SATB1: variants seen among roughly 807,000 people sequenced by gnomAD.
The protein encoded by SATB1 is DNA-binding protein SATB1.
SATB1 carries 11 observed loss-of-function variants against 86.9 expected under a neutral mutation model. The ratio of observed to expected loss-of-function variants is 0.13; its 90% CI spans 0.08 to 0.21. The LOEUF is 0.21. Among genes scored for constraint, SATB1 ranks in the 10% least tolerant of loss-of-function variants. SATB1 has a pLI of 1.00. For synonymous variants in SATB1, 357 were observed against 357.2 expected, an observed-to-expected ratio of 1.00 and a Z score of 0.01; for missense variants, 551 against 937.6, an observed-to-expected ratio of 0.59 and a Z score of 5.39.
At position 18,394,891 on chromosome 3, in the gene SATB1, T is replaced by C. The variant is rs751439877; in HGVS notation, c.777A>G (p.Leu259=). ...TGACATGATTGGCGCCTTGCTGGGA[T>C]AGCTCAGAAAGACTATCCATTTCAA... ...MMVEMDSLSE[L]SQQGANHVNF... The change falls in exon 7 of 11, where the codon CTA becomes CTG. Residue 259 remains leucine, a synonymous_variant. Transcript: ENST00000338745. The surrounding 1 kb of genome is among the most constrained non-coding windows in gnomAD (Gnocchi z 5.9). 24 of 1,605,478 alleles carry C rather than the reference T, an allele frequency of 1.5e-5. No individual in the cohort carries two copies. Among genetic ancestry groups the C allele is most frequent in the Non-Finnish European group, 2.0e-5 (24 of 1,176,106 alleles).
intron 1 of SATB1, among the ~76,000 whole-genome samples, chr3:18,422,844 A>T (rs183061545): frequency 2.4e-3 from 373 of 152,366 alleles, no homozygotes; most frequent in Non-Finnish European, 4.1e-3. Context: ...TTAAGTAATC[A>T]TGAGGCTTAA....
chr3:18,365,835 A>G (rs1695157073), intron 9 of SATB1, among the ~76,000 whole-genome samples: 1 of 152,214 alleles, frequency 6.6e-6, no homozygotes, highest in African/African-American at 2.4e-5. Context: ...ATACTAAAAT[A>G]AAATCATTAC....
At chr3:18,384,088 C>T (rs1696197315) in intron 8 of SATB1, among the ~76,000 whole-genome samples, 1 of 152,088 alleles carries the variant, frequency 6.6e-6, no homozygotes, top group Non-Finnish European at 1.5e-5. Flanking sequence ...TGTATATTTT[C>T]ATCATTGGCT....
At chr3:18,432,525 G>T (rs1410939815) in intron 2 of SATB1, among the ~76,000 whole-genome samples, 1 of 152,132 alleles carries the variant, frequency 6.6e-6, no homozygotes, top group East Asian at 1.9e-4. Context: ...ACTGGACGAG[G>T]CATTGTCCGT....
chr3:18,385,194 G>A (rs1368336167), intron 8 of SATB1, among the ~76,000 whole-genome samples: 4 of 152,126 alleles, frequency 2.6e-5, no homozygotes, highest in Non-Finnish European at 5.9e-5. Context: ...TGAGAATGAA[G>A]TAAAATCGAG....
intron 9 of SATB1, among the ~76,000 whole-genome samples, chr3:18,371,139 G>A (rs146143204): frequency 2.6e-5 from 4 of 152,236 alleles, no homozygotes; most frequent in African/African-American, 9.6e-5. Flanking sequence ...CCCAATTCCT[G>A]AAGCATCTTG....
At chr3:18,406,820 A>T (rs1451277652) in intron 5 of SATB1, among the ~76,000 whole-genome samples, 1 of 152,096 alleles carries the variant, frequency 6.6e-6, no homozygotes, top group African/African-American at 2.4e-5. Context: ...TTCATAAGAT[A>T]GGATACTGTA....
At chr3:18,434,684 G>T (rs1699001598) in intron 2 of SATB1, among the ~76,000 whole-genome samples, 1 of 151,672 alleles carries the variant, frequency 6.6e-6, no homozygotes, top group South Asian at 2.1e-4. Context: ...GCAGGATCAG[G>T]TTCCGTATCT....
intron 8 of SATB1, among the ~76,000 whole-genome samples, chr3:18,379,067 G>A (rs1695910539): frequency 6.6e-6 from 1 of 152,110 alleles, no homozygotes; most frequent in Non-Finnish European, 1.5e-5. Flanking sequence ...ATTGCTGTAA[G>A]CATCACAAAA....
intron 9 of SATB1, among the ~76,000 whole-genome samples, chr3:18,377,556 C>T (rs1695823983): frequency 6.6e-6 from 1 of 152,100 alleles, no homozygotes. Flanking sequence ...CAATTCAAGG[C>T]TATTCAGCTG....
Position 18,396,378 on chromosome 3 carries a change from GT to G in SATB1, c.751+800del, listed in dbSNP as rs924479643. ...ATTCCTATATTATTTTAAAATATATGTTTTGGAGGGTAAAAGTAGGTGAAAG... is the reference window on the plus strand; with the variant it reads ...ATTCCTATATTATTTTAAAATATATGTTTGGAGGGTAAAAGTAGGTGAAAG... On this transcript the variant is annotated intron_variant, in intron 6 of 10. Coordinates refer to ENST00000338745, the MANE Select transcript of SATB1 (RefSeq NM_002971.6). Among the ~76,000 whole-genome samples the G allele has an allele frequency of 1.4e-3, 206 of 152,082 alleles. 2 individuals are homozygous for G. Among genetic ancestry groups the G allele is most frequent in the Non-Finnish European group, 4.3e-4 (29 of 67,996 alleles).
At chr3:18,364,477 G>A (rs1357754508) in intron 9 of SATB1, among the ~76,000 whole-genome samples, 2 of 151,626 alleles carry the variant, frequency 1.3e-5, no homozygotes, top group Non-Finnish European at 2.9e-5. Context: ...TTTTTTTAAT[G>A]GTGACAAATT....
Position 18,444,756 on chromosome 3 carries a change from C to A in SATB1, c.-25+762G>T. On this transcript the variant is annotated intron_variant, in intron 1 of 3. Transcript: ENST00000415069. The surrounding 1 kb of genome is among the most constrained non-coding windows in gnomAD (Gnocchi z 5.1). The stretch of plus-strand genomic sequence containing the variant: ...CCGCCGCCGCCGGAGCTGCGGCTGC[C>A]GCGGAAGTTAATTGCAACTTGACTT... The A allele has an allele frequency of 1.7e-6, 1 of 594,530 alleles. No homozygotes were observed. Among genetic ancestry groups the A allele is most frequent in the East Asian group, 1.5e-4 (1 of 6,846 alleles). 36.8% of individuals were successfully genotyped at this position (594,530 alleles called of 1,614,324 possible).
At chr3:18,350,109 C>T (rs2125124678) in intron 10 of SATB1, 1 of 169,684 alleles carries the variant, frequency 5.9e-6, no homozygotes, top group Non-Finnish European at 1.3e-5. Context: ...TACAGAGCAG[C>T]GGGGAAAGAA....
At chr3:18,366,252 T>G (rs570422305) in intron 9 of SATB1, among the ~76,000 whole-genome samples, 1 of 117,698 alleles carries the variant, frequency 8.5e-6, no homozygotes, top group Non-Finnish European at 1.6e-5. Flanking sequence ...CAAGGTATTC[T>G]TTTTTTTTTT....
chr3:18,400,166 G>T (rs976642419), intron 5 of SATB1, among the ~76,000 whole-genome samples: 2 of 152,096 alleles, frequency 1.3e-5, no homozygotes, highest in East Asian at 3.8e-4. Context: ...CTAGGTGGTG[G>T]GATGTACAGA....
At chr3:18,443,311 TCAGTCAGAG>T (rs1363645391), upstream of SATB1, among the ~76,000 whole-genome samples, 1 of 152,206 alleles carries the variant, frequency 6.6e-6, no homozygotes, top group Non-Finnish European at 1.5e-5. This position sits in a 1 kb window ranked among gnomAD's most constrained non-coding sequence, Gnocchi z 4.4. Context: ...GGAAACCCAG[TCAGTCAGAG>T]CAGTAAGGTT....
In SATB1 at chr3:18,444,746, C is replaced by A; in HGVS notation, c.-25+772G>T. ...CCTGCCGCCGCCGCCGCCGCCGGAG[C>A]TGCGGCTGCCGCGGAAGTTAATTGC... On this transcript the variant is annotated intron_variant, in intron 1 of 3. Coordinates refer to the SATB1 transcript ENST00000415069. This position sits in a 1 kb window ranked among gnomAD's most constrained non-coding sequence, Gnocchi z 5.1. 1.5e-6 allele frequency: 1 copy of A among 686,150 alleles called. No homozygotes were observed. Among genetic ancestry groups the A allele is most frequent in the South Asian group, 6.5e-5 (1 of 15,312 alleles). The allele number at this position is 686,150 out of a possible 1,614,324, so 42.5% of individuals were successfully genotyped here.
chr3:18,444,157 C>T lies in SATB1; in HGVS notation c.-25+1361G>A, dbSNP rs1350603900. 6.6e-6 allele frequency among the ~76,000 whole-genome samples: 1 copy of T among 152,190 alleles called. No homozygotes were observed. Among genetic ancestry groups the T allele is most frequent in the Non-Finnish European group, 1.5e-5 (1 of 68,032 alleles). ...AACATTACCACTCCCGCAGCCCACTCCTCCAGGCACCTTACTGCCCGCCCG... is the reference window on the plus strand; with the variant it reads ...AACATTACCACTCCCGCAGCCCACTTCTCCAGGCACCTTACTGCCCGCCCG... On this transcript the variant is annotated intron_variant, in intron 1 of 3. Coordinates refer to the SATB1 transcript ENST00000415069. The surrounding 1 kb of genome is among the most constrained non-coding windows in gnomAD (Gnocchi z 5.1).
Sources: allele counts gnomAD v4.1 joint callset (sites outside exome capture counted in the v4.1 genomes callset), GRCh38; gene constraint gnomAD v4.1.1; non-coding constraint Gnocchi (gnomAD v3.1); transcripts MANE v1.5; gene names NCBI Gene and HGNC (gene_info 2026-07-23, HGNC 2026-07-21).